The following EMID1 variants were observed in gnomAD, a reference collection of about 807,000 sequenced individuals.
The protein encoded by EMID1 is EMI domain containing 1.
In EMID1, 40 loss-of-function variants were observed where a neutral mutation model predicts 60.6. That is an observed-to-expected ratio of 0.66 (90% confidence interval 0.51 to 0.86). The LOEUF (loss-of-function observed/expected upper bound fraction) is 0.86. Ranked by LOEUF, EMID1 falls within the 40% of genes least tolerant of loss-of-function variation. The pLI is 0.00. For missense variants in EMID1, 585 were observed against 597.1 expected, an observed-to-expected ratio of 0.98 and a Z score of 0.21; for synonymous variants, 242 against 231.0, an observed-to-expected ratio of 1.05 and a Z score of -0.43.
At chr22:29,248,280 T>C (rs1422552398) in intron 13 of EMID1, among the ~76,000 whole-genome samples, 1 of 95,524 alleles carries the variant, frequency 1.0e-5, no homozygotes, top group African/African-American at 3.6e-5. Flanking sequence ...TTTTTTTTTT[T>C]CACTTTTTAA....
chr22:29,258,328 C>T (rs1227247521), intron 14 of EMID1, among the ~76,000 whole-genome samples: 1 of 152,090 alleles, frequency 6.6e-6, no homozygotes, highest in Non-Finnish European at 1.5e-5. Context: ...TGACTGAGGC[C>T]CTGACAGAGG....
At chr22:29,235,526 T>C (rs1362546200) in intron 12 of EMID1, among the ~76,000 whole-genome samples, 3 of 152,020 alleles carry the variant, frequency 2.0e-5, no homozygotes, top group African/African-American at 7.2e-5. Flanking sequence ...TTTTTTCCCT[T>C]TTCTTTTCTT....
chr22:29,253,183 G>A (rs1479165389), intron 13 of EMID1, among the ~76,000 whole-genome samples: 3 of 152,292 alleles, frequency 2.0e-5, no homozygotes, highest in Admixed American at 1.3e-4. Flanking sequence ...GGTGGCTCAC[G>A]CCTGTAATCC....
chr22:29,243,363 C>A, intron 12 of EMID1, 82 bp from the exon 13 acceptor site: 2 of 1,405,988 alleles, frequency 1.4e-6, no homozygotes, highest in Non-Finnish European at 2.0e-6. Flanking sequence ...CCTTTCCCCG[C>A]TCTTTTTCCT....
intron 1 of EMID1, among the ~76,000 whole-genome samples, chr22:29,211,910 C>T (rs747545610): frequency 1.3e-5 from 2 of 151,902 alleles, no homozygotes; most frequent in Non-Finnish European, 2.9e-5. Context: ...AGAGGAGCCA[C>T]GATTCACCGC....
intron 3 of EMID1, chr22:29,216,646 G>A: frequency 3.0e-6 from 3 of 985,484 alleles, no homozygotes; most frequent in Non-Finnish European, 3.6e-6. Context: ...GTGTTTCTTG[G>A]GAGATTTGCA....
intron 3 of EMID1, among the ~76,000 whole-genome samples, chr22:29,222,911 G>A (rs1209990441): frequency 6.6e-6 from 1 of 152,092 alleles, no homozygotes; most frequent in Non-Finnish European, 1.5e-5. Flanking sequence ...CTAATACGGT[G>A]AAACCCCACC....
chr22:29,250,482 T>C (rs1258350292), intron 13 of EMID1, among the ~76,000 whole-genome samples: 1 of 152,258 alleles, frequency 6.6e-6, no homozygotes, highest in Non-Finnish European at 1.5e-5. Flanking sequence ...TGCCTTTTAT[T>C]GTACCTCGTT....
intron 13 of EMID1, among the ~76,000 whole-genome samples, chr22:29,249,594 ATTTATTTAT>A (rs2041450209): frequency 1.6e-5 from 1 of 62,928 alleles, no homozygotes; most frequent in Non-Finnish European, 5.7e-5. Context: ...TTTATTATTT[ATTTATTTAT>A]TTATTTATTT....
At chr22:29,253,242 C>T (rs1047060611) in intron 13 of EMID1, among the ~76,000 whole-genome samples, 8 of 152,132 alleles carry the variant, frequency 5.3e-5, no homozygotes, top group African/African-American at 1.9e-4. Context: ...GCCAGGAGAT[C>T]GAGGCCAGCC....
chr22:29,238,282 A>G (rs2041030932), intron 12 of EMID1, among the ~76,000 whole-genome samples: 1 of 133,282 alleles, frequency 7.5e-6, no homozygotes. Flanking sequence ...TATTATTATT[A>G]TTATTATTAT....
At chr22:29,249,485 C>T (rs2041443229) in intron 13 of EMID1, among the ~76,000 whole-genome samples, 1 of 152,140 alleles carries the variant, frequency 6.6e-6, no homozygotes, top group Non-Finnish European at 1.5e-5. Context: ...GTTGGCCAGG[C>T]TGATCTCAAA....
At position 29,233,765 on chromosome 22, in the gene EMID1, TATCC is replaced by T. The variant is rs1392193488; in HGVS notation, c.966+110_966+113del. 23 of 1,148,478 alleles carry T rather than the reference TATCC, an allele frequency of 2.0e-5. No individual in the cohort carries two copies. The Middle Eastern group carries it at 5.9e-4, about 29-fold the overall frequency. 71.1% of individuals were successfully genotyped at this position (1,148,478 alleles called of 1,614,324 possible). ...TCCATCATCCACCCTTGTATCCATCTATCCATCCATCCATTCATCCTTCCATTCA... is the reference window on the plus strand; with the variant it reads ...TCCATCATCCACCCTTGTATCCATCTATCCATCCATTCATCCTTCCATTCA... On this transcript the variant is annotated intron_variant, in intron 10 of 14. Coordinates refer to ENST00000334018, the MANE Select transcript of EMID1 (RefSeq NM_133455.4).
chr22:29,241,678 C>T (rs572608805), intron 12 of EMID1, among the ~76,000 whole-genome samples: 9 of 152,138 alleles, frequency 5.9e-5, no homozygotes, highest in East Asian at 5.8e-4. Context: ...CGTGAGCTAC[C>T]GCACCCAGCC....
chr22:29,258,438 TCA>T (rs2041783647), intron 14 of EMID1, among the ~76,000 whole-genome samples: 1 of 152,122 alleles, frequency 6.6e-6, no homozygotes, highest in Admixed American at 6.5e-5. Context: ...TTCCCTGGCC[TCA>T]GTTTACCCAG....
At chr22:29,207,596 CACCTCCCAGGGTCTCCTG>C (rs1460232268) in intron 1 of EMID1, among the ~76,000 whole-genome samples, 1 of 152,206 alleles carries the variant, frequency 6.6e-6, no homozygotes, top group Admixed American at 6.5e-5. Flanking sequence ...CTGGGCTCCT[CACCTCCCAGGGTCTCCTG>C]GGTGGGAACA....
intron 2 of EMID1, 199 bp from the exon 3 acceptor site, chr22:29,215,328 T>G: frequency 2.1e-6 from 2 of 949,866 alleles, no homozygotes; most frequent in Non-Finnish European, 2.5e-6. Context: ...GTCCAGCTGG[T>G]ATCCAATCTC....
intron 7 of EMID1, chr22:29,232,002 G>A (rs930149199): frequency 1.0e-5 from 6 of 593,330 alleles, no homozygotes; most frequent in African/African-American, 9.3e-5. Context: ...AGCAATGCTT[G>A]CCCCATGTGA....
In EMID1 at chr22:29,206,017, C is replaced by T. The variant is rs1447776390; in HGVS notation, c.-22C>T. The stretch of plus-strand genomic sequence containing the variant: ...GGGGCGGCGACCGCGAGGGGCCGCG[C>T]GCGGAGGGCGCCTGGTGCAGCATGG... On this transcript the variant is annotated 5_prime_UTR_variant, in exon 1 of 15. Coordinates refer to ENST00000334018, the MANE Select transcript of EMID1 (RefSeq NM_133455.4). 22 of 1,209,158 alleles carry T rather than the reference C, an allele frequency of 1.8e-5. No homozygotes were observed. In the South Asian group the frequency reaches 9.1e-4, roughly 50 times the overall value. 74.9% of individuals were successfully genotyped at this position (1,209,158 alleles called of 1,614,324 possible).
Sources: gnomAD v4.1 joint callset for allele counts (sites outside exome capture counted in the v4.1 genomes callset) on GRCh38, gnomAD v4.1.1 for gene constraint, MANE v1.5 for transcripts, NCBI Gene and HGNC (gene_info 2026-07-23, HGNC 2026-07-21) for gene names.